GPRC5B: variants seen among roughly 807,000 people sequenced by gnomAD.
GPRC5B encodes the protein G protein-coupled receptor family C group 5 member B.
In GPRC5B, 16 loss-of-function variants were observed where a neutral mutation model predicts 30.1. That is an observed-to-expected ratio of 0.53 (90% confidence interval 0.36 to 0.81). The LOEUF is 0.81. GPRC5B is among the 30% of genes least tolerant of loss of function. The pLI is 0.01. For synonymous variants in GPRC5B, 241 were observed against 239.5 expected, an observed-to-expected ratio of 1.01 and a Z score of -0.06; for missense variants, 428 against 544.7, an observed-to-expected ratio of 0.79 and a Z score of 2.13.
intron 1 of GPRC5B, among the ~76,000 whole-genome samples, chr16:19,878,606 T>C (rs1295215116): frequency 6.6e-6 from 1 of 152,104 alleles, no homozygotes; most frequent in African/African-American, 2.4e-5. Flanking sequence ...ATTATTTTAT[T>C]TGTATTACTC....
In GPRC5B at chr16:19,872,748, G is replaced by A; in HGVS notation, c.98C>T (p.Thr33Ile). ...ITSVASENAS[T>I]SRGCGLDLLP... ...GAGGTCCAGCCCACAGCCTCGGGAT[G>A]TGCTGGCGTTTTCAGAGGCCACCGA... Residue 33 changes from threonine (T) to isoleucine (I), a missense_variant, in exon 2 of 4, where the codon ACA (threonine) becomes ATA (isoleucine). By Grantham distance (89) the Thr-to-Ile change is moderately conservative. Coordinates refer to ENST00000300571, the MANE Select transcript of GPRC5B (RefSeq NM_016235.3). The surrounding 1 kb of genome is among the most constrained non-coding windows in gnomAD (Gnocchi z 5.0). 1 of 1,613,756 alleles carries A rather than the reference G, an allele frequency of 6.2e-7. No individual in the cohort carries two copies. Among genetic ancestry groups the A allele is most frequent in the Non-Finnish European group, 8.5e-7 (1 of 1,179,952 alleles).
chr16:19,878,956 G>A (rs1331432903), intron 1 of GPRC5B, among the ~76,000 whole-genome samples: 2 of 152,154 alleles, frequency 1.3e-5, no homozygotes, highest in East Asian at 1.9e-4. Context: ...TGCTGCAGGC[G>A]ATGTGGGGGT....
In GPRC5B at chr16:19,872,542, C is replaced by T; in HGVS notation, c.304G>A (p.Gly102Arg). 2 of 1,614,126 alleles carry T rather than the reference C, an allele frequency of 1.2e-6. No individual in the cohort carries two copies. The highest frequency in any genetic ancestry group is 1.7e-6 in the Non-Finnish European group (2 of 1,179,974). Residue 102 changes from glycine (G) to arginine (R), a missense_variant, in exon 2 of 4, where the codon GGG becomes AGG. Physicochemically the swap from Gly to Arg is moderately radical, Grantham distance 125. Around this residue, in one of 3 missense-constraint regions of GPRC5B, gnomAD observed 196 missense variants for 272.6 expected, o/e 0.72. Transcript: ENST00000300571. The surrounding 1 kb of genome is among the most constrained non-coding windows in gnomAD (Gnocchi z 5.0). ...PVGLHFLFLL[G>R]TLGLFGLTFA... Reference sequence around the variant, plus strand: ...GTCAGCCCAAAGAGGCCCAGGGTCCCCAGGAGGAACAGAAAGTGGAGGCCC... The same window carrying T: ...GTCAGCCCAAAGAGGCCCAGGGTCCTCAGGAGGAACAGAAAGTGGAGGCCC...
At chr16:19,883,996 G>T (rs1027464053) in intron 1 of GPRC5B, among the ~76,000 whole-genome samples, 3 of 152,064 alleles carry the variant, frequency 2.0e-5, no homozygotes, top group African/African-American at 7.2e-5. Flanking sequence ...AAGGAGAGGG[G>T]ACCGAGAACA....
rs577200921 is a variant in GPRC5B, at chr16:19,873,717, C to T, written c.-1-871G>A. ...AGTCTCCAGGAGGTGACAACCTTTG[C>T]ACAAGGTCACACAACTCAACTCCTG... On this transcript the variant is annotated intron_variant, in intron 1 of 3. Transcript: ENST00000300571. Among the ~76,000 whole-genome samples the T allele has an allele frequency of 3.3e-5, 5 of 152,262 alleles. No homozygotes were observed. The South Asian group carries it at 1.0e-3, about 32-fold the overall frequency.
At chr16:19,860,988 C>A (rs550541993) in intron 3 of GPRC5B, among the ~76,000 whole-genome samples, 1 of 150,048 alleles carries the variant, frequency 6.7e-6, no homozygotes, top group African/African-American at 2.5e-5. Context: ...TGTCTTTGAG[C>A]CTGTTCCAAA....
intron 2 of GPRC5B, among the ~76,000 whole-genome samples, chr16:19,871,197 T>C (rs1215132560): frequency 2.1e-5 from 3 of 142,352 alleles, no homozygotes; most frequent in Non-Finnish European, 4.5e-5. Context: ...GTTGGGAGGA[T>C]TGCTTTAGCC....
chr16:19,869,041 A>G (rs1567208701), intron 2 of GPRC5B, among the ~76,000 whole-genome samples: 1 of 152,174 alleles, frequency 6.6e-6, no homozygotes, highest in Non-Finnish European at 1.5e-5. Flanking sequence ...AAATATTTAT[A>G]ATAGTGGCCG....
chr16:19,877,069 A>G (rs1355939958), intron 1 of GPRC5B, among the ~76,000 whole-genome samples: 1 of 152,184 alleles, frequency 6.6e-6, no homozygotes, highest in Non-Finnish European at 1.5e-5. Flanking sequence ...TTGAAAAACT[A>G]CAAGGATGGA....
At chr16:19,885,448 C>T (rs2056842714), upstream of GPRC5B, 10 of 1,136,050 alleles carry the variant, frequency 8.8e-6, 1 homozygote, top group South Asian at 1.7e-4. The surrounding 1 kb of genome is among the most constrained non-coding windows in gnomAD (Gnocchi z 5.3). Context: ...TCTCTCTCCT[C>T]ACTGCCCAAC....
chr16:19,875,294 C>T (rs2056752267), intron 1 of GPRC5B, among the ~76,000 whole-genome samples: 1 of 152,362 alleles, frequency 6.6e-6, no homozygotes, highest in East Asian at 1.9e-4. Context: ...GGTGAGGATG[C>T]ACCCCAGGCA....
At chr16:19,874,929 C>T (rs933184984) in intron 1 of GPRC5B, 6 of 151,748 alleles carry the variant, frequency 4.0e-5, no homozygotes, top group African/African-American at 1.5e-4. Context: ...AGCCACAGCC[C>T]GCACAGCTGG....
chr16:19,860,643 T>C, intron 3 of GPRC5B, 99 bp from the exon 4 acceptor site: 1 of 754,994 alleles, frequency 1.3e-6, no homozygotes, highest in South Asian at 1.6e-5. Flanking sequence ...ATAAGTTACC[T>C]TGCTTTTACC....
At chr16:19,879,464 C>T (rs563320880) in intron 1 of GPRC5B, among the ~76,000 whole-genome samples, 2 of 152,174 alleles carry the variant, frequency 1.3e-5, no homozygotes, top group South Asian at 2.1e-4. Flanking sequence ...CGCGCATGCA[C>T]GCACTCTGCA....
At chr16:19,878,966 T>C (rs2056782066) in intron 1 of GPRC5B, among the ~76,000 whole-genome samples, 1 of 150,972 alleles carries the variant, frequency 6.6e-6, no homozygotes, top group Non-Finnish European at 1.5e-5. Context: ...GATGTGGGGG[T>C]GTACTGAGGC....
chr16:19,877,705 C>T (rs1309654495), intron 1 of GPRC5B, among the ~76,000 whole-genome samples: 3 of 152,206 alleles, frequency 2.0e-5, no homozygotes, highest in Non-Finnish European at 4.4e-5. Context: ...AAGGTAAGTA[C>T]TATTACTATC....
chr16:19,872,260 C>T lies in GPRC5B; in HGVS notation c.586G>A (p.Glu196Lys), dbSNP rs761503349. The part of the protein sequence containing the change: ...LRDTRPACAY[E>K]PMDFVMALIY... ...AGGGCCATCACAAAGTCCATGGGCT[C>T]GTAGGCGCAGGCTGGCCTTGTGTCA... The change falls in exon 2 of 4, where the codon GAG (glutamate) becomes AAG (lysine). Residue 196 changes from glutamate (E) to lysine (K), a missense_variant. Glu to Lys is a moderately conservative substitution (Grantham distance 56, BLOSUM62 1). Around this residue, in one of 3 missense-constraint regions of GPRC5B, gnomAD observed 196 missense variants for 272.6 expected, o/e 0.72. Transcript: ENST00000300571. The surrounding 1 kb of genome is among the most constrained non-coding windows in gnomAD (Gnocchi z 5.0). The T allele has an allele frequency of 1.9e-5, 31 of 1,614,020 alleles. No homozygotes were observed. The highest frequency in any genetic ancestry group is 2.5e-5 in the Non-Finnish European group (29 of 1,180,022).
intron 2 of GPRC5B, among the ~76,000 whole-genome samples, chr16:19,871,434 C>T (rs1233227750): frequency 6.6e-6 from 1 of 151,916 alleles, no homozygotes; most frequent in Non-Finnish European, 1.5e-5. Context: ...CCAAGCTGGC[C>T]AATATGGTGA....
At chr16:19,863,093 T>C (rs1433976810) in intron 2 of GPRC5B, among the ~76,000 whole-genome samples, 1 of 152,132 alleles carries the variant, frequency 6.6e-6, no homozygotes, top group African/African-American at 2.4e-5. Context: ...GTACTTTATA[T>C]ATATTAACCA....
Sources: gnomAD v4.1 joint callset for allele counts (sites outside exome capture counted in the v4.1 genomes callset) on GRCh38, gnomAD v4.1.1 for gene constraint, gnomAD v4.1.1 regional missense constraint, Gnocchi (gnomAD v3.1) non-coding constraint, MANE v1.5 for transcripts, NCBI Gene and HGNC (gene_info 2026-07-23, HGNC 2026-07-21) for gene names.